MLXIP: variants seen among roughly 807,000 people sequenced by gnomAD.
The protein encoded by MLXIP is MLX interacting protein.
In MLXIP, 30 loss-of-function variants were observed where a neutral mutation model predicts 87.2. The observed-to-expected ratio is 0.34, with a 90% CI of 0.26 to 0.47. The LOEUF (loss-of-function observed/expected upper bound fraction) is 0.47. Ranked by LOEUF, MLXIP falls within the 20% of genes least tolerant of loss-of-function variation. The probability of loss-of-function intolerance (pLI) is 1.00; values close to 1 mark genes in which losing one functional copy is unlikely to be tolerated. For synonymous variants in MLXIP, 530 were observed against 514.0 expected, an observed-to-expected ratio of 1.03 and a Z score of -0.42; for missense variants, 1,002 against 1,240.1, an observed-to-expected ratio of 0.81 and a Z score of 2.88.
At position 122,135,148 on chromosome 12, in the gene MLXIP, A is replaced by C; in HGVS notation, c.1733-76A>C. The C allele has an allele frequency of 6.4e-7, 1 of 1,566,960 alleles. No homozygotes were observed. Among genetic ancestry groups the C allele is most frequent in the East Asian group, 2.3e-5 (1 of 42,822 alleles). On this transcript the variant is annotated intron_variant, in intron 9 of 16. Coordinates refer to ENST00000319080, the MANE Select transcript of MLXIP (RefSeq NM_014938.6). The surrounding 1 kb of genome is among the most constrained non-coding windows in gnomAD (Gnocchi z 5.3). ...GTTGAGAACAAGCTGTCTCACTGGC[A>C]GAGAGGCAGCCTCTGCAGGGTGGGC...
chr12:122,099,632 G>C (rs952467268), intron 1 of MLXIP, among the ~76,000 whole-genome samples: 1 of 152,260 alleles, frequency 6.6e-6, no homozygotes, highest in Non-Finnish European at 1.5e-5. Flanking sequence ...CAGCAAGAGA[G>C]AACAGTTCCT....
At chr12:122,139,131 TG>T (rs1953151193) in intron 15 of MLXIP, 193 bp downstream of exon 15, 1 of 414,794 alleles carries the variant, frequency 2.4e-6, no homozygotes, top group Admixed American at 6.4e-5. Flanking sequence ...GAGGTGCTGA[TG>T]GGGCTTCAGG....
At position 122,135,327 on chromosome 12, in the gene MLXIP, G is replaced by A. The variant is rs372002063; in HGVS notation, c.1836G>A (p.Ala612=). 39 of 1,613,326 alleles carry A rather than the reference G, an allele frequency of 2.4e-5. No individual in the cohort carries two copies. The highest frequency in any genetic ancestry group is 2.9e-5 in the Non-Finnish European group (34 of 1,179,724). ...STVSQSNVVI[A]PAAIARAPGV... Reference sequence around the variant, plus strand: ...TGTCCCAGTCCAACGTGGTCATTGCGCCTGCTGCCATCGCCAGGGTGAGGA... The same window carrying A: ...TGTCCCAGTCCAACGTGGTCATTGCACCTGCTGCCATCGCCAGGGTGAGGA... The change falls in exon 10 of 17, where the codon GCG becomes GCA. Residue 612 remains alanine (A), a synonymous_variant. Transcript: ENST00000319080. This position sits in a 1 kb window ranked among gnomAD's most constrained non-coding sequence, Gnocchi z 5.3.
intron 1 of MLXIP, among the ~76,000 whole-genome samples, chr12:122,120,276 G>GTCACC (rs1952758479): frequency 6.6e-6 from 1 of 151,750 alleles, no homozygotes; most frequent in South Asian, 2.1e-4. Context: ...AGGCTGGAGT[G>GTCACC]CAGTGGTACA....
At chr12:122,106,090 A>C (rs28682510) in intron 1 of MLXIP, among the ~76,000 whole-genome samples, 1 of 152,326 alleles carries the variant, frequency 6.6e-6, no homozygotes. Flanking sequence ...TAGGCTCTGC[A>C]CTGTGGGTGG....
intron 1 of MLXIP, among the ~76,000 whole-genome samples, chr12:122,120,483 C>T (rs1952761194): frequency 6.6e-6 from 1 of 152,204 alleles, no homozygotes; most frequent in Non-Finnish European, 1.5e-5. Flanking sequence ...GCCTTGGCCC[C>T]TCAAAGTGCT....
chr12:122,139,666 TTTTG>T (rs1009732519), intron 15 of MLXIP, among the ~76,000 whole-genome samples: 1 of 151,950 alleles, frequency 6.6e-6, no homozygotes, highest in Non-Finnish European at 1.5e-5. Flanking sequence ...GACAGAGTGT[TTTTG>T]TTTGTTTCTT....
chr12:122,110,401 C>G (rs907573086), intron 1 of MLXIP, among the ~76,000 whole-genome samples: 6 of 152,042 alleles, frequency 3.9e-5, no homozygotes, highest in Admixed American at 6.5e-5. Flanking sequence ...AATTCTCCTG[C>G]CTCAGCCTCG....
chr12:122,096,143 T>C (rs1316512497), intron 1 of MLXIP, among the ~76,000 whole-genome samples: 1 of 152,102 alleles, frequency 6.6e-6, no homozygotes, highest in African/African-American at 2.4e-5. Flanking sequence ...AAATGTGTGA[T>C]CATAGCTCAC....
chr12:122,135,515 C>T lies in MLXIP; in HGVS notation c.1881C>T (p.Ser627=). 2 of 1,609,204 alleles carry T rather than the reference C, an allele frequency of 1.2e-6. No homozygotes were observed. Among genetic ancestry groups the T allele is most frequent in the Non-Finnish European group, 1.7e-6 (2 of 1,178,238 alleles). ...CTCCTGGGGTCCCGGAGTTCCACAG[C>T]AGCATCCTGGTGACAGATCTCGGCC... ...ARAPGVPEFH[S]SILVTDLGHG... The change falls in exon 11 of 17, where the codon AGC becomes AGT. Residue 627 remains serine (S), a synonymous_variant. Coordinates refer to ENST00000319080, the MANE Select transcript of MLXIP (RefSeq NM_014938.6). This position sits in a 1 kb window ranked among gnomAD's most constrained non-coding sequence, Gnocchi z 5.3.
In MLXIP at chr12:122,143,680, T is replaced by G. The variant is rs1953250287; in HGVS notation, c.*1868T>G. ...CAGCCCCTCTCTACTTCTGTGCCTT[T>G]GTAAAACGTGTAGATAACCGCAGTG... On this transcript the variant is annotated 3_prime_UTR_variant, in exon 17 of 17. Coordinates refer to ENST00000319080, the MANE Select transcript of MLXIP (RefSeq NM_014938.6). 6.6e-6 allele frequency: 1 copy of G among 152,230 alleles called. No homozygotes were observed. The highest frequency in any genetic ancestry group is 2.4e-5 in the African/African-American group (1 of 41,438). 9.4% of individuals were successfully genotyped at this position (152,230 alleles called of 1,614,324 possible). A position where few individuals can be genotyped will look rare whatever the true frequency, so the allele number is the denominator to read the frequency against.
In MLXIP at chr12:122,135,602, C is replaced by A; in HGVS notation, c.1968C>A (p.Pro656=). The A allele has an allele frequency of 6.3e-7, 1 of 1,582,250 alleles. No individual in the cohort carries two copies. Among genetic ancestry groups the A allele is most frequent in the Non-Finnish European group, 8.6e-7 (1 of 1,165,584 alleles). ...TCTTCCCAAGCACAGCGCAAGACCCCCTGGGGAAGGGCGAGCAGGTCCCGC... is the reference window on the plus strand; with the variant it reads ...TCTTCCCAAGCACAGCGCAAGACCCACTGGGGAAGGGCGAGCAGGTCCCGC... The part of the protein sequence containing the change: ...SRLFPSTAQD[P]LGKGEQVPLH... The change falls in exon 11 of 17, where the codon CCC becomes CCA. Residue 656 remains proline (P), a synonymous_variant. Transcript: ENST00000319080. The surrounding 1 kb of genome is among the most constrained non-coding windows in gnomAD (Gnocchi z 5.3).
chr12:122,090,233 C>A (rs1593061946), intron 1 of MLXIP, among the ~76,000 whole-genome samples: 1 of 152,166 alleles, frequency 6.6e-6, no homozygotes, highest in Non-Finnish European at 1.5e-5. Flanking sequence ...TGGTGACTCA[C>A]GCCTGTAATC....
Position 122,145,476 on chromosome 12 carries a change from CTGTT to C in MLXIP, c.*3665_*3668del, listed in dbSNP as rs1953284864. The C allele has an allele frequency of 6.6e-6, 1 of 152,318 alleles. No individual in the cohort carries two copies. The highest frequency in any genetic ancestry group is 6.5e-5 in the Admixed American group (1 of 15,284). The allele number at this position is 152,318 out of a possible 1,614,324, so 9.4% of individuals were successfully genotyped here. ...GCACAGTGGCAGGCAGCACCTCTGTCTGTTGCTGACGTTGGGGGGCTTACACACC... is the reference window on the plus strand; with the variant it reads ...GCACAGTGGCAGGCAGCACCTCTGTCGCTGACGTTGGGGGGCTTACACACC... On this transcript the variant is annotated 3_prime_UTR_variant, in exon 17 of 17. Transcript: ENST00000319080.
intron 1 of MLXIP, among the ~76,000 whole-genome samples, chr12:122,098,093 G>A (rs1565962616): frequency 1.3e-5 from 2 of 152,242 alleles, no homozygotes; most frequent in South Asian, 2.1e-4. Context: ...CGCCTGATAA[G>A]TTTGTTTGCT....
intron 1 of MLXIP, among the ~76,000 whole-genome samples, chr12:122,114,168 A>G (rs1176206077): frequency 6.6e-6 from 1 of 151,136 alleles, no homozygotes; most frequent in Admixed American, 6.6e-5. Context: ...TTGTATTTTT[A>G]GTAGACAGGG....
chr12:122,080,660 C>T (rs1319610090), intron 1 of MLXIP, among the ~76,000 whole-genome samples: 1 of 152,178 alleles, frequency 6.6e-6, no homozygotes, highest in East Asian at 1.9e-4. Context: ...TCAGTCTCTG[C>T]TGATTCTCTG....
chr12:122,141,363 G>A (rs536090059), intron 16 of MLXIP, among the ~76,000 whole-genome samples: 1 of 152,196 alleles, frequency 6.6e-6, no homozygotes, highest in Non-Finnish European at 1.5e-5. Flanking sequence ...GTGTTTTCTT[G>A]TTTAATTCTT....
Position 122,137,545 on chromosome 12 carries a change from C to T in MLXIP, c.2109C>T (p.Asn703=). 6.2e-7 allele frequency: 1 copy of T among 1,614,042 alleles called. No homozygotes were observed. Among genetic ancestry groups the T allele is most frequent in the Non-Finnish European group, 8.5e-7 (1 of 1,179,892 alleles). Residue 703 remains asparagine, a synonymous_variant, in exon 12 of 17, where the codon AAC becomes AAT. Coordinates refer to ENST00000319080, the MANE Select transcript of MLXIP (RefSeq NM_014938.6). This position sits in a 1 kb window ranked among gnomAD's most constrained non-coding sequence, Gnocchi z 4.1. ...EQSPSPQSPQ[N]NCSGKSDPKN... is the part of the protein sequence containing the mutation. ...GCCCCAGTCCTCAATCTCCCCAGAA[C>T]AACTGCTCAGGGAAATCCGACCCCA...
Sources: allele counts gnomAD v4.1 joint callset (sites outside exome capture counted in the v4.1 genomes callset), GRCh38; gene constraint gnomAD v4.1.1; non-coding constraint Gnocchi (gnomAD v3.1); transcripts MANE v1.5; gene names NCBI Gene and HGNC (gene_info 2026-07-23, HGNC 2026-07-21).